The following FAM228B variants were observed in gnomAD, a reference collection of about 807,000 sequenced individuals.
FAM228B encodes the protein protein FAM228B.
A neutral mutation model predicts 42.6 loss-of-function variants in FAM228B; 38 were observed. That is an observed-to-expected ratio of 0.89 (90% CI 0.69 to 1.17). The LOEUF (loss-of-function observed/expected upper bound fraction) is 1.17, where lower values mean the gene tolerates loss of function less well. Among genes scored for constraint, FAM228B ranks in the 50% most tolerant of loss-of-function variants. The pLI is 0.00. For missense variants in FAM228B, 344 were observed against 367.3 expected (o/e 0.94, Z 0.52); for synonymous variants, 109 against 122.3 (o/e 0.89, Z 0.72).
chr2:24,078,688 C>T, intron 1 of FAM228B, among the ~76,000 whole-genome samples: 1 of 152,076 alleles, frequency 6.6e-6, no homozygotes, highest in Non-Finnish European at 1.5e-5. Context: ...GTGTCACTGA[C>T]AGCCTAAGAA....
At chr2:24,104,167 C>T in intron 3 of FAM228B, among the ~76,000 whole-genome samples, 1 of 152,174 alleles carries the variant, frequency 6.6e-6, no homozygotes, top group Admixed American at 6.6e-5. Flanking sequence ...AGAACCTCTC[C>T]AGCACAGGAC....
chr2:24,150,325 G>A (rs930331681), intron 7 of FAM228B, among the ~76,000 whole-genome samples: 4 of 151,772 alleles, frequency 2.6e-5, no homozygotes, highest in African/African-American at 7.3e-5. Context: ...TGTCTGGAAA[G>A]GTCTTTATTT....
intron 7 of FAM228B, 39 bp from the exon 8 acceptor site, chr2:24,161,467 G>A: frequency 8.1e-7 from 1 of 1,228,648 alleles, no homozygotes; most frequent in Non-Finnish European, 1.2e-6. Flanking sequence ...CAATAAAAAA[G>A]AACAAAAAAA....
Position 24,161,606 on chromosome 2 carries a change from ATT to A in FAM228B, c.789_790del (p.Tyr264GlnfsTer20). ...LESQEEEKTVIYKNKGSSFLE... is the reference protein window; with the variant it reads ...LESQEEEKTVXYKNKGSSFLE... ...ATCCCAGGAAGAAGAAAAAACAGTT[ATT>A]TACAAGTAAGTCTGTTCTTCCATAG... On this transcript the variant is annotated frameshift_variant, in exon 8 of 11. Transcript: ENST00000615575. LOFTEE classifies it high-confidence loss of function. 1 of 1,519,114 alleles carries A rather than the reference ATT, an allele frequency of 6.6e-7. No individual in the cohort carries two copies. The highest frequency in any genetic ancestry group is 1.4e-5 in the African/African-American group (1 of 72,696). The allele number at this position is 1,519,114 out of a possible 1,614,324, so 94.1% of individuals were successfully genotyped here. A position where few individuals can be genotyped will look rare whatever the true frequency, so the allele number is the denominator to read the frequency against.
At chr2:24,143,743 AAATT>A (rs997135254) in intron 5 of FAM228B, among the ~76,000 whole-genome samples, 1 of 151,988 alleles carries the variant, frequency 6.6e-6, no homozygotes, top group African/African-American at 2.4e-5. Context: ...TATTATTTTA[AAATT>A]AATAAGCAAT....
At chr2:24,102,835 G>A (rs1408960337) in intron 3 of FAM228B, among the ~76,000 whole-genome samples, 2 of 152,146 alleles carry the variant, frequency 1.3e-5, no homozygotes, top group African/African-American at 4.8e-5. Context: ...CATTCTTATT[G>A]GCAAAAGCAG....
At chr2:24,155,525 A>ATTTTTT (rs1199134206) in intron 7 of FAM228B, among the ~76,000 whole-genome samples, 1 of 48,306 alleles carries the variant, frequency 2.1e-5, no homozygotes, top group Non-Finnish European at 3.6e-5. Flanking sequence ...ATATATATAT[A>ATTTTTT]TATATATTTT....
intron 2 of FAM228B, among the ~76,000 whole-genome samples, chr2:24,125,458 T>C (rs913068399): frequency 2.0e-5 from 3 of 152,202 alleles, no homozygotes; most frequent in African/African-American, 7.2e-5. Context: ...ATGGTGGACA[T>C]ATTCAGTACT....
chr2:24,090,269 A>AAAAC (rs575057893), intron 2 of FAM228B, among the ~76,000 whole-genome samples: 14 of 151,776 alleles, frequency 9.2e-5, no homozygotes, highest in Middle Eastern at 3.2e-3. Flanking sequence ...CTCCGTCTCA[A>AAAAC]AAACAAACAA....
chr2:24,134,141 T>C (rs1420621337), intron 2 of FAM228B, among the ~76,000 whole-genome samples: 1 of 152,186 alleles, frequency 6.6e-6, no homozygotes, highest in East Asian at 1.9e-4. Flanking sequence ...AATTATAATT[T>C]TACATTTTAT....
intron 5 of FAM228B, among the ~76,000 whole-genome samples, chr2:24,142,253 T>C (rs1476479361): frequency 2.6e-5 from 4 of 152,208 alleles, no homozygotes; most frequent in Non-Finnish European, 4.4e-5. Flanking sequence ...AGGTTCATCT[T>C]GCCTCTTATT....
At chr2:24,146,205 CT>C (rs1666890256) in intron 5 of FAM228B, among the ~76,000 whole-genome samples, 1 of 152,150 alleles carries the variant, frequency 6.6e-6, no homozygotes, top group African/African-American at 2.4e-5. Flanking sequence ...ATTTCACTGA[CT>C]AGGCCTAAAT....
chr2:24,101,132 A>T (rs1665596622), intron 3 of FAM228B, among the ~76,000 whole-genome samples: 1 of 152,148 alleles, frequency 6.6e-6, no homozygotes. Context: ...GGGCTGGTGG[A>T]GGGATAGCAT....
chr2:24,120,559 A>T (rs2339943), upstream of FAM228B, among the ~76,000 whole-genome samples: 110,661 of 143,418 alleles, frequency 0.77, 40,813 homozygotes, highest in East Asian at 0.89. Context: ...GATTTTTTTT[A>T]AAATTTTTTT....
At chr2:24,110,342 G>A (rs986407944) in intron 3 of FAM228B, among the ~76,000 whole-genome samples, 6 of 152,118 alleles carry the variant, frequency 3.9e-5, no homozygotes, top group African/African-American at 1.4e-4. Flanking sequence ...CCCATTTCTG[G>A]GATGGGGGAT....
At chr2:24,168,452 A>G (rs1667482153) in intron 10 of FAM228B, among the ~76,000 whole-genome samples, 1 of 152,218 alleles carries the variant, frequency 6.6e-6, no homozygotes, top group Non-Finnish European at 1.5e-5. Flanking sequence ...GCCATGTGGC[A>G]ATGCTGCTGA....
chr2:24,128,111 C>T (rs2151014349), intron 2 of FAM228B, among the ~76,000 whole-genome samples: 1 of 152,328 alleles, frequency 6.6e-6, no homozygotes, highest in South Asian at 2.1e-4. Context: ...TGGAAAGCTG[C>T]TGTTGCTATG....
chr2:24,093,655 A>AG (rs1435080246), intron 2 of FAM228B, among the ~76,000 whole-genome samples: 1 of 150,690 alleles, frequency 6.6e-6, no homozygotes, highest in Non-Finnish European at 1.5e-5. Context: ...TTGCTGTGTC[A>AG]CCCAGGCTGA....
At chr2:24,168,650 G>T (rs1048797577) in intron 10 of FAM228B, among the ~76,000 whole-genome samples, 9 of 152,116 alleles carry the variant, frequency 5.9e-5, no homozygotes, top group Non-Finnish European at 5.9e-5. Context: ...AGAAGGTAAG[G>T]TAAGGGAATA....
Sources: gnomAD v4.1 joint callset for allele counts (sites outside exome capture counted in the v4.1 genomes callset) on GRCh38, gnomAD v4.1.1 for gene constraint, MANE v1.5 for transcripts, NCBI Gene and HGNC (gene_info 2026-07-23, HGNC 2026-07-21) for gene names.